Variants in INSL6 observed in about 807,000 individuals in gnomAD.
The protein encoded by INSL6 is insulin like 6.
INSL6 carries 16 observed loss-of-function variants against 9.4 expected under a neutral mutation model. The observed-to-expected ratio is 1.70, with a 90% confidence interval of 1.15 to 2.59. INSL6 has a LOEUF of 2.59. Ranked by LOEUF, INSL6 falls within the 30% of genes most tolerant of loss-of-function variation. The pLI is 0.00. For synonymous variants in INSL6, 154 were observed against 96.9 expected, an observed-to-expected ratio of 1.59 and a Z score of -3.46; for missense variants, 391 against 257.3, an observed-to-expected ratio of 1.52 and a Z score of -3.56.
At chr9:5,052,059 C>G in the INSL6 span, among the ~76,000 whole-genome samples, 1 of 152,088 alleles carries the variant, frequency 6.6e-6, no homozygotes, top group East Asian at 1.9e-4. Flanking sequence ...GGAAGAGTAT[C>G]TTAGATGTCG....
chr9:5,047,612 A>T, the INSL6 span, among the ~76,000 whole-genome samples: 2 of 152,062 alleles, frequency 1.3e-5, no homozygotes, highest in Non-Finnish European at 2.9e-5. Context: ...CTTAAGTTCA[A>T]ATTTTGTCAG....
chr9:5,172,178 A>G (rs1825197125), intron 1 of INSL6, among the ~76,000 whole-genome samples: 1 of 152,242 alleles, frequency 6.6e-6, no homozygotes. Context: ...ACTCAGAAAT[A>G]AGACCGCACA....
chr9:5,161,769 C>T (rs1203778909), downstream of INSL6, among the ~76,000 whole-genome samples: 1 of 152,096 alleles, frequency 6.6e-6, no homozygotes, highest in East Asian at 1.9e-4. Context: ...AGACAAAATT[C>T]AGTAGCACTT....
chr9:5,153,648 G>A (rs1212836242), intron 2 of INSL6, among the ~76,000 whole-genome samples: 1 of 152,170 alleles, frequency 6.6e-6, no homozygotes, highest in Non-Finnish European at 1.5e-5. Context: ...CAAAATCAAT[G>A]TGCAAAAGTC....
At chr9:5,047,548 G>C in the INSL6 span, among the ~76,000 whole-genome samples, 1 of 152,176 alleles carries the variant, frequency 6.6e-6, no homozygotes. Context: ...CATCATTTCT[G>C]ATTTTGTGAC....
the INSL6 span, chr9:5,055,801 T>C: frequency 1.9e-6 from 3 of 1,601,584 alleles, no homozygotes; most frequent in South Asian, 3.3e-5. Context: ...AAGTTTGCTT[T>C]ATGATTGAAT....
downstream of INSL6, chr9:5,123,268 T>C (rs1038758893): frequency 1.9e-6 from 1 of 536,704 alleles, no homozygotes; most frequent in Non-Finnish European, 3.4e-6. Context: ...CTTAATAACA[T>C]ACATTGTATC....
chr9:5,111,933 CACTCAAGCAATA>C, the INSL6 span: 3 of 349,312 alleles, frequency 8.6e-6, no homozygotes, highest in Non-Finnish European at 1.7e-5. Flanking sequence ...CTCTCCGGAT[CACTCAAGCAATA>C]ACTTGTGGTC....
At chr9:5,069,843 C>A in the INSL6 span, 1 of 835,560 alleles carries the variant, frequency 1.2e-6, no homozygotes, top group South Asian at 2.7e-5. Context: ...ATACGTAGAA[C>A]ACATTTCATT....
At chr9:5,042,571 A>G in the INSL6 span, among the ~76,000 whole-genome samples, 1 of 152,086 alleles carries the variant, frequency 6.6e-6, no homozygotes, top group South Asian at 2.1e-4. Context: ...TGAAGTGAGT[A>G]GTGGGATCCT....
the INSL6 span, among the ~76,000 whole-genome samples, chr9:5,062,322 T>G: frequency 6.6e-6 from 1 of 151,818 alleles, no homozygotes; most frequent in Non-Finnish European, 1.5e-5. Context: ...AACTGTACAA[T>G]AGTTACATCA....
At chr9:5,123,707 G>C (rs62543904), downstream of INSL6, among the ~76,000 whole-genome samples, 5,708 of 151,872 alleles carry the variant, frequency 0.038, 161 homozygotes, top group Non-Finnish European at 0.058. Context: ...TCTATATTTA[G>C]GTCTCTGAGA....
At chr9:5,086,060 A>G in the INSL6 span, 20,080 of 712,942 alleles carry the variant, frequency 0.028, 530 homozygotes, top group East Asian at 0.084. Flanking sequence ...CAAGATTAAA[A>G]TAGGGTATCT....
At chr9:5,098,944 T>G in the INSL6 span, 1 of 152,182 alleles carries the variant, frequency 6.6e-6, no homozygotes, top group Non-Finnish European at 1.5e-5. Flanking sequence ...TCCACCCACT[T>G]CAGCCTCCCA....
chr9:5,065,474 G>A, the INSL6 span, among the ~76,000 whole-genome samples: 1 of 152,166 alleles, frequency 6.6e-6, no homozygotes, highest in Admixed American at 6.5e-5. Flanking sequence ...CTAGTGCTAT[G>A]TAGAACTTCC....
chr9:5,058,989 C>T, the INSL6 span, among the ~76,000 whole-genome samples: 1 of 152,116 alleles, frequency 6.6e-6, no homozygotes, highest in South Asian at 2.1e-4. Flanking sequence ...TTGCTTTTCA[C>T]TATGTTGCTT....
the INSL6 span, among the ~76,000 whole-genome samples, chr9:5,104,203 TAGAG>T: frequency 6.6e-6 from 1 of 151,756 alleles, no homozygotes; most frequent in Non-Finnish European, 1.5e-5. Context: ...AAGAATCAAA[TAGAG>T]GGAATAAAAA....
intron 2 of INSL6, among the ~76,000 whole-genome samples, chr9:5,144,618 C>T (rs1824562683): frequency 1.3e-5 from 2 of 152,134 alleles, no homozygotes; most frequent in Non-Finnish European, 2.9e-5. Context: ...GTCTAAGTCT[C>T]TTTGAAAGTC....
At chr9:5,092,408 A>C in the INSL6 span, among the ~76,000 whole-genome samples, 2 of 152,190 alleles carry the variant, frequency 1.3e-5, no homozygotes, top group African/African-American at 2.4e-5. Flanking sequence ...TTGGACAAAC[A>C]AAGTGTCGCT....
Sources: allele counts gnomAD v4.1 joint callset (sites outside exome capture counted in the v4.1 genomes callset), GRCh38; gene constraint gnomAD v4.1.1; transcripts MANE v1.5; gene names NCBI Gene and HGNC (gene_info 2026-07-23, HGNC 2026-07-21).